Variants in ZNF385B observed in about 807,000 individuals in gnomAD.
The protein encoded by ZNF385B is zinc finger protein 533.
Under a neutral mutation model 39.2 loss-of-function variants are expected in ZNF385B, and 23 were observed. The observed-to-expected ratio is 0.59, with a 90% CI of 0.42 to 0.83. The LOEUF is 0.83. ZNF385B is among the 40% of genes least tolerant of loss of function. ZNF385B has a pLI of 0.00. For synonymous variants in ZNF385B, 205 were observed against 222.6 expected (o/e 0.92, Z 0.70); for missense variants, 552 against 598.9 (o/e 0.92, Z 0.82).
chr2:179,504,817 A>G (rs1275314212), intron 5 of ZNF385B, among the ~76,000 whole-genome samples: 6 of 151,968 alleles, frequency 3.9e-5, no homozygotes, highest in Non-Finnish European at 8.8e-5. Context: ...ATTTAAAGAA[A>G]AAAAAAAAAA....
chr2:179,660,303 C>T (rs1324093952), intron 3 of ZNF385B: 2 of 152,134 alleles, frequency 1.3e-5, no homozygotes, highest in Admixed American at 6.6e-5. Context: ...CAGTGACTGT[C>T]AGTAGATGTT....
intron 3 of ZNF385B, among the ~76,000 whole-genome samples, chr2:179,574,678 C>CA (rs1685605857): frequency 6.6e-6 from 1 of 152,152 alleles, no homozygotes; most frequent in Non-Finnish European, 1.5e-5. Context: ...TGAAGTCATA[C>CA]TTGTACATTG....
At chr2:179,782,043 T>C (rs1704697805) in intron 1 of ZNF385B, among the ~76,000 whole-genome samples, 1 of 152,094 alleles carries the variant, frequency 6.6e-6, no homozygotes, top group East Asian at 1.9e-4. Flanking sequence ...AAGGAAACTT[T>C]CAGGACAATA....
At chr2:179,796,323 G>A (rs1316419976) in intron 1 of ZNF385B, 1 of 152,122 alleles carries the variant, frequency 6.6e-6, no homozygotes, top group African/African-American at 2.4e-5. Context: ...TCCCCCTGGG[G>A]CAACATCAGT....
At position 179,809,088 on chromosome 2, in the gene ZNF385B, C is replaced by A. The variant is rs1575530964; in HGVS notation, c.-154-38416G>T. ...ATAGCTGTCAAGCTATGATTACTGC[C>A]TCTAGAATATGAAAACATAAAAGCT... On this transcript the variant is annotated intron_variant, in intron 1 of 9. Transcript: ENST00000410066. Among the ~76,000 whole-genome samples the A allele has an allele frequency of 2.0e-5, 3 of 152,132 alleles. No homozygotes were observed. The South Asian group carries it at 6.2e-4, about 32-fold the overall frequency.
intron 3 of ZNF385B, among the ~76,000 whole-genome samples, chr2:179,639,249 A>AGG (rs1553488118): frequency 0.011 from 1,418 of 128,460 alleles, 23 homozygotes; most frequent in South Asian, 0.019. Context: ...AAAAAAAAAA[A>AGG]GGGGGAGAAA....
chr2:179,656,038 T>C lies in ZNF385B; in HGVS notation c.299-111069A>G, dbSNP rs138938314. On this transcript the variant is annotated intron_variant, in intron 3 of 9. Transcript: ENST00000410066. ...TATTTATGTTAATAGGTTTGGTTACTGGTTTAAAGAAATATTAGAAGTTTA... is the reference window on the plus strand; with the variant it reads ...TATTTATGTTAATAGGTTTGGTTACCGGTTTAAAGAAATATTAGAAGTTTA... Among the ~76,000 whole-genome samples the C allele has an allele frequency of 5.4e-3, 816 of 152,312 alleles. 5 individuals carry two copies. The highest frequency in any genetic ancestry group is 0.019 in the African/African-American group (773 of 41,582).
intron 3 of ZNF385B, among the ~76,000 whole-genome samples, chr2:179,707,428 C>A (rs1014732916): frequency 6.6e-6 from 1 of 152,196 alleles, no homozygotes; most frequent in Non-Finnish European, 1.5e-5. Context: ...GGAAGCCTGG[C>A]TAAATGAGAG....
intron 1 of ZNF385B, among the ~76,000 whole-genome samples, chr2:179,791,123 A>T (rs1007763449): frequency 6.6e-6 from 1 of 152,220 alleles, no homozygotes. Context: ...ACATTTAATT[A>T]TACAAAAATC....
intron 3 of ZNF385B, among the ~76,000 whole-genome samples, chr2:179,765,553 T>C (rs1703638739): frequency 6.6e-6 from 1 of 152,210 alleles, no homozygotes; most frequent in South Asian, 2.1e-4. Flanking sequence ...CTGTGAGGTA[T>C]TTCTTTGCTG....
intron 3 of ZNF385B, among the ~76,000 whole-genome samples, chr2:179,572,969 T>C (rs372734483): frequency 2.0e-5 from 3 of 152,232 alleles, no homozygotes; most frequent in African/African-American, 7.2e-5. Context: ...GTGGCTATCA[T>C]TAAAGTTACT....
intron 3 of ZNF385B, among the ~76,000 whole-genome samples, chr2:179,713,396 CCTT>C (rs1210826245): frequency 6.6e-6 from 1 of 152,162 alleles, no homozygotes; most frequent in Non-Finnish European, 1.5e-5. Flanking sequence ...CACACTTTCT[CCTT>C]CTCCTTAGAA....
At chr2:179,661,116 A>C (rs143643860) in intron 3 of ZNF385B, among the ~76,000 whole-genome samples, 97 of 152,334 alleles carry the variant, frequency 6.4e-4, no homozygotes, top group African/African-American at 2.3e-3. Flanking sequence ...AAGGTTAAAA[A>C]GTTAAAAATA....
At chr2:179,523,348 G>T (rs1412889692) in intron 4 of ZNF385B, among the ~76,000 whole-genome samples, 33 of 108,650 alleles carry the variant, frequency 3.0e-4, no homozygotes, top group Non-Finnish European at 4.5e-4. Flanking sequence ...ATCTGTGTGC[G>T]TTTTTTTTTT....
intron 3 of ZNF385B, among the ~76,000 whole-genome samples, chr2:179,641,848 C>T (rs1692293673): frequency 6.6e-6 from 1 of 152,080 alleles, no homozygotes; most frequent in Non-Finnish European, 1.5e-5. Flanking sequence ...ATCAGAGGCT[C>T]TCTTGTGTCC....
intron 3 of ZNF385B, among the ~76,000 whole-genome samples, chr2:179,736,136 CT>C (rs1327126084): frequency 2.6e-5 from 4 of 152,012 alleles, no homozygotes; most frequent in Non-Finnish European, 4.4e-5. Context: ...AGAACCATGA[CT>C]GTGACAATTA....
At chr2:179,640,747 G>A (rs552878436) in intron 3 of ZNF385B, among the ~76,000 whole-genome samples, 76 of 152,212 alleles carry the variant, frequency 5.0e-4, no homozygotes, top group African/African-American at 1.8e-3. Flanking sequence ...AGGAGGTCCC[G>A]TTTGGTATTA....
intron 4 of ZNF385B, among the ~76,000 whole-genome samples, chr2:179,532,518 A>G (rs1313936819): frequency 1.3e-5 from 2 of 152,190 alleles, no homozygotes; most frequent in African/African-American, 4.8e-5. Context: ...GGCAAAAATC[A>G]TTTGTATTTA....
intron 3 of ZNF385B, among the ~76,000 whole-genome samples, chr2:179,564,956 T>C (rs1684387318): frequency 1.3e-5 from 2 of 152,214 alleles, no homozygotes; most frequent in African/African-American, 4.8e-5. Flanking sequence ...AACTTGAAGC[T>C]GTATTTGACT....
Sources: gnomAD v4.1 joint callset for allele counts (sites outside exome capture counted in the v4.1 genomes callset) on GRCh38, gnomAD v4.1.1 for gene constraint, MANE v1.5 for transcripts, NCBI Gene and HGNC (gene_info 2026-07-23, HGNC 2026-07-21) for gene names.